The following GRHL3 variants were observed in gnomAD, a reference collection of about 807,000 sequenced individuals.
The protein encoded by GRHL3 is grainyhead-like protein 3 homolog.
In GRHL3, 20 loss-of-function variants were observed where a neutral mutation model predicts 70.3. That is an observed-to-expected ratio of 0.28 (90% CI 0.20 to 0.41). The LOEUF (loss-of-function observed/expected upper bound fraction) is 0.41. Ranked by LOEUF, GRHL3 falls within the 10% of genes least tolerant of loss-of-function variation. The probability of loss-of-function intolerance (pLI) is 1.00; values close to 1 mark genes in which losing one functional copy is unlikely to be tolerated. For synonymous variants in GRHL3, 299 were observed against 299.9 expected, an observed-to-expected ratio of 1.00 and a Z score of 0.03; for missense variants, 637 against 762.3, an observed-to-expected ratio of 0.84 and a Z score of 1.94.
At chr1:24,341,214 A>T (rs34418730) in intron 8 of GRHL3, among the ~76,000 whole-genome samples, 41,398 of 151,844 alleles carry the variant, frequency 0.27, 6,346 homozygotes, top group East Asian at 0.45. Flanking sequence ...ACCCCAGGCG[A>T]CCATCAGTTG....
intron 1 of GRHL3, among the ~76,000 whole-genome samples, chr1:24,323,390 G>T (rs768203621): frequency 6.6e-6 from 1 of 152,120 alleles, no homozygotes. Context: ...ATTCTGATGC[G>T]TGTCCAAGTT....
At chr1:24,348,627 C>T (rs1322518850) in intron 14 of GRHL3, among the ~76,000 whole-genome samples, 1 of 152,302 alleles carries the variant, frequency 6.6e-6, no homozygotes, top group East Asian at 1.9e-4. Flanking sequence ...ACTTTTGACC[C>T]GTGTACCTCC....
chr1:24,327,108 A>G (rs1004118467), intron 1 of GRHL3, among the ~76,000 whole-genome samples: 3 of 152,166 alleles, frequency 2.0e-5, no homozygotes, highest in Non-Finnish European at 2.9e-5. Context: ...TTAACTGAGC[A>G]ATTATTCTCT....
intron 2 of GRHL3, among the ~76,000 whole-genome samples, chr1:24,333,491 G>A (rs1314474693): frequency 2.0e-5 from 3 of 152,148 alleles, no homozygotes; most frequent in East Asian, 1.9e-4. Context: ...GCATTAGAAT[G>A]TTCTAAGATA....
intron 11 of GRHL3, among the ~76,000 whole-genome samples, chr1:24,343,786 C>T (rs868306948): frequency 3.3e-5 from 5 of 152,154 alleles, no homozygotes; most frequent in South Asian, 2.1e-4. Flanking sequence ...GGTACAGCTC[C>T]GCACTGTTTC....
intron 3 of GRHL3, 76 bp from the exon 4 acceptor site, chr1:24,336,406 T>C: frequency 1.1e-6 from 1 of 914,680 alleles, no homozygotes; most frequent in Non-Finnish European, 1.7e-6. Flanking sequence ...AGTGTGTCAG[T>C]TGCCTTGCAC....
chr1:24,322,376 T>G lies in GRHL3; in HGVS notation c.17+2808T>G, dbSNP rs1054891051. Among the ~76,000 whole-genome samples the G allele has an allele frequency of 6.6e-6, 1 of 152,190 alleles. No homozygotes were observed. Among genetic ancestry groups the G allele is most frequent in the Non-Finnish European group, 1.5e-5 (1 of 68,022 alleles). Reference sequence around the variant, plus strand: ...CCAGGAGCGCCGGCTCCAGACTGCCTGGAGCGCTGAAAGAGTTAATCAGGA... The same window carrying G: ...CCAGGAGCGCCGGCTCCAGACTGCCGGGAGCGCTGAAAGAGTTAATCAGGA... On this transcript the variant is annotated intron_variant, in intron 1 of 15. Transcript: ENST00000361548. This position sits in a 1 kb window ranked among gnomAD's most constrained non-coding sequence, Gnocchi z 4.4.
chr1:24,360,899 T>C (rs779308505), intron 15 of GRHL3: 2 of 1,608,990 alleles, frequency 1.2e-6, no homozygotes, highest in Admixed American at 3.4e-5. Flanking sequence ...CACCGGCTGG[T>C]ATTGGACACG....
chr1:24,329,726 C>T (rs1427872279), intron 1 of GRHL3, among the ~76,000 whole-genome samples: 1 of 152,082 alleles, frequency 6.6e-6, no homozygotes, highest in Non-Finnish European at 1.5e-5. Flanking sequence ...TTCTTAGGTC[C>T]CTAACATGGG....
rs777291870 is a variant in GRHL3 at position 24,361,067 on chromosome 1, T to C, written c.1695-3118T>C. ...CTTTGGGAAAGATAAAACGGGAAGA[T>C]GTCACTAAGGCAGTCTAGTGGGGAA... On this transcript the variant is annotated intron_variant, in intron 15 of 15. Transcript: ENST00000350501. The C allele has an allele frequency of 1.9e-6, 3 of 1,587,032 alleles. No homozygotes were observed. The South Asian group carries it at 3.5e-5, about 18-fold the overall frequency.
intron 15 of GRHL3, among the ~76,000 whole-genome samples, chr1:24,362,112 C>G (rs562825546): frequency 6.6e-6 from 1 of 152,324 alleles, no homozygotes; most frequent in East Asian, 1.9e-4. Flanking sequence ...TCCCCCAGCA[C>G]TCAATGACCA....
In GRHL3 at chr1:24,350,045, C is replaced by A; in HGVS notation, c.1630-13C>A. The A allele has an allele frequency of 6.2e-7, 1 of 1,608,264 alleles. No homozygotes were observed. The highest frequency in any genetic ancestry group is 1.1e-5 in the South Asian group (1 of 90,646). On this transcript the variant is annotated splice_polypyrimidine_tract_variant and intron_variant, in intron 14 of 15. Coordinates refer to ENST00000361548, the MANE Select transcript of GRHL3 (RefSeq NM_198173.3). ...GGGCAGCAGGCAATGAATCACCTGT[C>A]TTTTCCTTCCAGATCTCTGAGAAGT...
chr1:24,337,612 C>T (rs1255897616), intron 5 of GRHL3, 24 bp from the exon 6 acceptor site: 5 of 1,612,832 alleles, frequency 3.1e-6, no homozygotes, highest in African/African-American at 1.3e-5. Flanking sequence ...CCCAGCCTCA[C>T]TGTCCTCTCC....
chr1:24,329,996 A>G (rs952256159), intron 1 of GRHL3, among the ~76,000 whole-genome samples: 1 of 152,248 alleles, frequency 6.6e-6, no homozygotes, highest in Non-Finnish European at 1.5e-5. Flanking sequence ...ATCGCTAGAA[A>G]TGTACATTCT....
chr1:24,344,775 C>A, intron 11 of GRHL3, 122 bp from the exon 12 acceptor site: 5 of 1,032,660 alleles, frequency 4.8e-6, no homozygotes, highest in South Asian at 1.3e-5. Context: ...GCTAGAAAGG[C>A]ATTGTAACAG....
chr1:24,341,849 G>A (rs540442146), intron 8 of GRHL3, among the ~76,000 whole-genome samples: 17 of 152,322 alleles, frequency 1.1e-4, no homozygotes, highest in African/African-American at 2.6e-4. Context: ...TACCAACAGC[G>A]GTGAAAAGCC....
intron 15 of GRHL3, among the ~76,000 whole-genome samples, chr1:24,361,616 C>T (rs74060320): frequency 0.069 from 10,567 of 152,094 alleles, 668 homozygotes; most frequent in African/African-American, 0.17. Context: ...TACTAAATAT[C>T]ATCCTGGGGA....
At position 24,344,915 on chromosome 1, in the gene GRHL3, C is replaced by A. The variant is rs752690193; in HGVS notation, c.1438C>A (p.Pro480Thr). The A allele has an allele frequency of 3.0e-5, 48 of 1,613,484 alleles. 1 individual carries two copies. Among genetic ancestry groups the A allele is most frequent in the Admixed American group, 3.3e-5 (2 of 59,962 alleles). ...ATTGCAGGCAGCCCCCTCGGCAGGA[C>A]CCAGCAGCTCCAACAGGTATGGAGA... ...RSGGAAPSAG[P>T]SSSNRLPLKR... is the part of the protein sequence containing the mutation. Residue 480 changes from proline (P) to threonine (T), a missense_variant, in exon 12 of 16, where the codon CCC (proline) becomes ACC (threonine). Pro to Thr is a conservative substitution (Grantham distance 38). This residue lies in a region of GRHL3 where 387 missense variants were observed against 513.8 expected (regional missense o/e 0.75). Coordinates refer to ENST00000361548, the MANE Select transcript of GRHL3 (RefSeq NM_198173.3).
rs762680740 is a variant in GRHL3 at position 24,343,037 on chromosome 1, G to C, written c.1419+12G>C. 1 of 1,614,012 alleles carries C rather than the reference G, an allele frequency of 6.2e-7. No individual in the cohort carries two copies. Among genetic ancestry groups the C allele is most frequent in the Non-Finnish European group, 8.5e-7 (1 of 1,179,962 alleles). ...AGCGCTCTGGAGGGGTGAGGCCAGG[G>C]CTGGGGTCTCGGGAAGGAGCCGAGA... is the stretch of plus-strand genomic sequence containing the variant. On this transcript the variant is annotated intron_variant, in intron 11 of 15. Transcript: ENST00000361548.
Sources: gnomAD v4.1 joint callset for allele counts (sites outside exome capture counted in the v4.1 genomes callset) on GRCh38, gnomAD v4.1.1 for gene constraint, gnomAD v4.1.1 regional missense constraint, Gnocchi (gnomAD v3.1) non-coding constraint, MANE v1.5 for transcripts, NCBI Gene and HGNC (gene_info 2026-07-23, HGNC 2026-07-21) for gene names.